The following ZNF133 variants were observed in gnomAD, a reference collection of about 807,000 sequenced individuals.
The protein encoded by ZNF133 is zinc finger protein 133 (clone pHZ-13).
In ZNF133, 26 loss-of-function variants were observed where a neutral mutation model predicts 54.9. The ratio of observed to expected loss-of-function variants is 0.47; its 90% CI spans 0.35 to 0.66. ZNF133 has a LOEUF of 0.66. Ranked by LOEUF, ZNF133 falls within the 30% of genes least tolerant of loss-of-function variation. The pLI is 0.01. For synonymous variants in ZNF133, 298 were observed against 320.3 expected, an observed-to-expected ratio of 0.93 and a Z score of 0.74; for missense variants, 653 against 820.8, an observed-to-expected ratio of 0.80 and a Z score of 2.50.
At position 18,306,305 on chromosome 20, in the gene ZNF133, A is replaced by G. The variant is rs760098513; in HGVS notation, c.129A>G (p.Ser43=). The G allele has an allele frequency of 6.2e-7, 1 of 1,613,432 alleles. No homozygotes were observed. The highest frequency in any genetic ancestry group is 1.7e-5 in the Admixed American group (1 of 59,894). Residue 43 remains serine (S), a synonymous_variant, in exon 6 of 7, where the codon TCA becomes TCG. Transcript: ENST00000425686. ...TTCTTTTCCTGTGAGCAGGAATTTC[A>G]TTTTCTAAACCAGAACTCATCACCC... The part of the protein sequence containing the change: ...NYSNLVSLGI[S]FSKPELITQL...
intron 3 of ZNF133, among the ~76,000 whole-genome samples, chr20:18,301,782 A>G (rs2043404408): frequency 6.6e-6 from 1 of 152,146 alleles, no homozygotes; most frequent in African/African-American, 2.4e-5. Flanking sequence ...ATCCTGATAA[A>G]CAATCAGGCC....
intron 1 of ZNF133, among the ~76,000 whole-genome samples, chr20:18,296,221 A>C (rs536900807): frequency 4.0e-4 from 61 of 152,236 alleles, no homozygotes; most frequent in African/African-American, 1.4e-3. Flanking sequence ...GCTCATCATC[A>C]GTCTTTTTGC....
chr20:18,302,342 G>A lies in ZNF133; in HGVS notation c.-177-2666G>A, dbSNP rs2043541679. Among the ~76,000 whole-genome samples, 4 of 150,460 alleles carry A rather than the reference G, an allele frequency of 2.7e-5. No individual in the cohort carries two copies. In the South Asian group the frequency reaches 8.4e-4, roughly 31 times the overall value. ...TGCTTGGACCCAGGAAGCAGAGCTT[G>A]CAGTGAGCCAACATCGTGCCTCTGC... On this transcript the variant is annotated intron_variant, in intron 3 of 6. Coordinates refer to ENST00000425686, the MANE Select transcript of ZNF133 (RefSeq NM_001352452.2).
rs188336353 is a variant in ZNF133 at position 18,310,927 on chromosome 20, A to T, written c.218-4142A>T. ...TTTTAAAAGTAACAGGAGTTACCAT[A>T]ATTATGAAGAATTATATGCCCTCCT... On this transcript the variant is annotated intron_variant, in intron 6 of 6. Coordinates refer to ENST00000425686, the MANE Select transcript of ZNF133 (RefSeq NM_001352452.2). Among the ~76,000 whole-genome samples, 200 of 152,324 alleles carry T rather than the reference A, an allele frequency of 1.3e-3. 2 individuals carry two copies. The highest frequency in any genetic ancestry group is 4.7e-3 in the African/African-American group (194 of 41,562).
In ZNF133 at chr20:18,305,942, A is replaced by G. The variant is rs1309144922; in HGVS notation, c.121+135A>G. The G allele has an allele frequency of 3.3e-6, 4 of 1,206,680 alleles. No homozygotes were observed. In the Admixed American group the frequency reaches 8.4e-5, roughly 25 times the overall value. 74.7% of individuals were successfully genotyped at this position (1,206,680 alleles called of 1,614,324 possible). Reference sequence around the variant, plus strand: ...AACTACATTTTATTCGTGTTTCCCCAGGGAGGGTCTGATTTTGCAGAGTGG... The same window carrying G: ...AACTACATTTTATTCGTGTTTCCCCGGGGAGGGTCTGATTTTGCAGAGTGG... On this transcript the variant is annotated intron_variant, in intron 5 of 6. Coordinates refer to ENST00000425686, the MANE Select transcript of ZNF133 (RefSeq NM_001352452.2). This position sits in a 1 kb window ranked among gnomAD's most constrained non-coding sequence, Gnocchi z 4.7.
rs567369316 is a variant in ZNF133 at position 18,315,746 on chromosome 20, A to G, written c.895A>G (p.Met299Val). 2.5e-6 allele frequency: 4 copies of G among 1,614,022 alleles called. No homozygotes were observed. The East Asian group carries it at 6.7e-5, about 27-fold the overall frequency. The change falls in exon 7 of 7, where the codon ATG (methionine) becomes GTG (valine). Residue 299 changes from methionine (M) to valine (V), a missense_variant. Met to Val is a conservative substitution (Grantham distance 21). This residue lies in a region of ZNF133 where 292 missense variants were observed against 431.6 expected (regional missense o/e 0.68). Coordinates refer to ENST00000425686, the MANE Select transcript of ZNF133 (RefSeq NM_001352452.2). ...GACACACTCCGGTGAGAAACCTTAC[A>G]TGTGCAGTGAGTGTGGGCGAGGCTT... Reference protein sequence around the residue: ...ERTHSGEKPYMCSECGRGFSQ... With the variant: ...ERTHSGEKPYVCSECGRGFSQ...
chr20:18,294,321 G>T (rs891073113), intron 1 of ZNF133, among the ~76,000 whole-genome samples: 1 of 152,180 alleles, frequency 6.6e-6, no homozygotes, highest in South Asian at 2.1e-4. Context: ...CGCCAAGTTC[G>T]TGAAAGATGA....
chr20:18,315,692 CG>C lies in ZNF133; in HGVS notation c.843del (p.Lys282SerfsTer4). On this transcript the variant is annotated frameshift_variant, in exon 7 of 7. Transcript: ENST00000425686. LOFTEE classifies it high-confidence loss of function. ...VCRECGRGFN[R>X]KSTLIIHERT... is the part of the protein sequence containing the mutation. ...CAGGGAGTGTGGACGAGGCTTTAAC[CG>C]GAAGTCAACGCTAATCATACACGAA... 1 of 1,613,764 alleles carries C rather than the reference CG, an allele frequency of 6.2e-7. No homozygotes were observed. The highest frequency in any genetic ancestry group is 8.5e-7 in the Non-Finnish European group (1 of 1,179,798).
At chr20:18,310,252 G>A in intron 6 of ZNF133, 1 of 1,531,372 alleles carries the variant, frequency 6.5e-7, no homozygotes, top group Middle Eastern at 1.7e-4. Context: ...TGGTTGCCCA[G>A]GAAGCTGTCT....
chr20:18,298,508 C>T (rs1242441556), intron 3 of ZNF133, 44 bp downstream of exon 3: 1 of 184,580 alleles, frequency 5.4e-6, no homozygotes, highest in African/African-American at 2.4e-5. Flanking sequence ...TAGCAGCTAC[C>T]TGTCATCCAC....
chr20:18,306,244 G>A (rs2328286), intron 5 of ZNF133, 54 bp from the exon 6 acceptor site: 449,634 of 1,526,616 alleles, frequency 0.29, 69,429 homozygotes, highest in Non-Finnish European at 0.32. Flanking sequence ...TTGAATTCTT[G>A]AATGGGCTCT....
chr20:18,293,143 C>G (rs2041441446), intron 1 of ZNF133, among the ~76,000 whole-genome samples: 1 of 152,186 alleles, frequency 6.6e-6, no homozygotes, highest in South Asian at 2.1e-4. Flanking sequence ...ACACAACAAA[C>G]CACTCTAAAA....
chr20:18,315,107 C>A lies in ZNF133; in HGVS notation c.256C>A (p.Pro86Thr). 1.9e-6 allele frequency: 3 copies of A among 1,560,236 alleles called. No individual in the cohort carries two copies. The highest frequency in any genetic ancestry group is 2.6e-6 in the Non-Finnish European group (3 of 1,153,386). Reference protein sequence around the residue: ...EPELYLDPFCPPGFSSQKFPM... With the variant: ...EPELYLDPFCTPGFSSQKFPM... ...AGAGCTCTACCTCGATCCTTTCTGC[C>A]CTCCGGGTTTCTCCAGTCAGAAATT... Residue 86 changes from proline to threonine, a missense_variant, in exon 7 of 7, where the codon CCT becomes ACT. Transcript: ENST00000425686.
chr20:18,290,630 T>C (rs965787849), intron 1 of ZNF133, among the ~76,000 whole-genome samples: 1 of 152,188 alleles, frequency 6.6e-6, no homozygotes, highest in Non-Finnish European at 1.5e-5. Flanking sequence ...ATCTTTTTTT[T>C]CCACCAGTCA....
At chr20:18,306,603 A>T in intron 6 of ZNF133, 1 of 917,260 alleles carries the variant, frequency 1.1e-6, no homozygotes. Context: ...TCCTTCCTCC[A>T]CTAGGAAGCC....
chr20:18,309,317 G>A lies in ZNF133; in HGVS notation c.217+2924G>A, dbSNP rs77765946. Among the ~76,000 whole-genome samples the A allele has an allele frequency of 3.9e-3, 600 of 152,258 alleles. 6 individuals are homozygous for A. The highest frequency in any genetic ancestry group is 0.014 in the African/African-American group (565 of 41,550). On this transcript the variant is annotated intron_variant, in intron 6 of 6. Coordinates refer to ENST00000425686, the MANE Select transcript of ZNF133 (RefSeq NM_001352452.2). ...ACCATAGTGATTTCATAGACTCTCCGCCGAATATATAGTTCCATAAAAGGT... is the reference window on the plus strand; with the variant it reads ...ACCATAGTGATTTCATAGACTCTCCACCGAATATATAGTTCCATAAAAGGT...
In ZNF133 at chr20:18,316,432, C is replaced by A; in HGVS notation, c.1581C>A (p.Cys527Ter). 6.2e-7 allele frequency: 1 copy of A among 1,613,514 alleles called. No individual in the cohort carries two copies. Among genetic ancestry groups the A allele is most frequent in the Non-Finnish European group, 8.5e-7 (1 of 1,179,834 alleles). ...SGERPYVCRE[C>*]GRGFSHQAGL... ...AGAGGCCGTATGTGTGCCGAGAGTGCGGGCGAGGCTTTAGCCACCAGGCCG... is the reference window on the plus strand; with the variant it reads ...AGAGGCCGTATGTGTGCCGAGAGTGAGGGCGAGGCTTTAGCCACCAGGCCG... The change falls in exon 7 of 7, where the codon TGC becomes TGA. Residue 527 changes from cysteine to a stop codon, truncating the protein, a stop_gained. Coordinates refer to ENST00000425686, the MANE Select transcript of ZNF133 (RefSeq NM_001352452.2). LOFTEE classifies it high-confidence loss of function.
chr20:18,312,095 G>A (rs949945278), intron 6 of ZNF133, among the ~76,000 whole-genome samples: 5 of 152,164 alleles, frequency 3.3e-5, no homozygotes, highest in Admixed American at 3.3e-4. Context: ...AGTCTAAACA[G>A]GAATTTCATT....
intron 1 of ZNF133, among the ~76,000 whole-genome samples, chr20:18,291,871 T>C (rs1310853608): frequency 6.6e-6 from 1 of 152,082 alleles, no homozygotes; most frequent in Non-Finnish European, 1.5e-5. Context: ...GCCACCCCAC[T>C]TGGATATCTT....
Sources: gnomAD v4.1 joint callset for allele counts (sites outside exome capture counted in the v4.1 genomes callset) on GRCh38, gnomAD v4.1.1 for gene constraint, gnomAD v4.1.1 regional missense constraint, Gnocchi (gnomAD v3.1) non-coding constraint, MANE v1.5 for transcripts, NCBI Gene and HGNC (gene_info 2026-07-23, HGNC 2026-07-21) for gene names.